Variants in IGF2R observed in about 807,000 individuals in gnomAD.
IGF2R encodes the protein insulin like growth factor 2 receptor.
Under a neutral mutation model 270.6 loss-of-function variants are expected in IGF2R, and 91 were observed. The ratio of observed to expected loss-of-function variants is 0.34; its 90% CI spans 0.28 to 0.40. IGF2R has a LOEUF of 0.40. Among genes scored for constraint, IGF2R ranks in the 10% least tolerant of loss-of-function variants. The pLI is 1.00. For synonymous variants in IGF2R, 1,316 were observed against 1,258.9 expected, an observed-to-expected ratio of 1.05 and a Z score of -0.96; for missense variants, 2,805 against 3,188.3, an observed-to-expected ratio of 0.88 and a Z score of 2.90.
chr6:160,062,168 A>ATTTT (rs34356477), intron 25 of IGF2R, among the ~76,000 whole-genome samples: 21 of 106,608 alleles, frequency 2.0e-4, no homozygotes, highest in South Asian at 3.1e-4. Context: ...CATTTATTTA[A>ATTTT]TTTTTTTTTT....
At position 160,080,175 on chromosome 6, in the gene IGF2R, G is replaced by A; in HGVS notation, c.5733G>A (p.Gly1911=). The A allele has an allele frequency of 6.2e-7, 1 of 1,614,190 alleles. No homozygotes were observed. Among genetic ancestry groups the A allele is most frequent in the East Asian group, 2.2e-5 (1 of 44,884 alleles). The change falls in exon 39 of 48, where the codon GGG becomes GGA. Residue 1911 remains glycine, a synonymous_variant. Coordinates refer to ENST00000356956, the MANE Select transcript of IGF2R (RefSeq NM_000876.4). ...VPCVFPFIFN[G]KSYEECIIES... ...GTGTCTTCCCCTTCATATTCAATGGGAAGAGCTACGAGGAGTGCATCATAG... is the reference window on the plus strand; with the variant it reads ...GTGTCTTCCCCTTCATATTCAATGGAAAGAGCTACGAGGAGTGCATCATAG...
chr6:160,007,411 G>A (rs531582434), intron 2 of IGF2R: 1 of 152,300 alleles, frequency 6.6e-6, no homozygotes, highest in East Asian at 1.9e-4. Context: ...CCAGAGGGAT[G>A]GTTGTAAATG....
At chr6:160,011,979 T>A (rs1436592748) in intron 4 of IGF2R, among the ~76,000 whole-genome samples, 1 of 152,162 alleles carries the variant, frequency 6.6e-6, no homozygotes, top group African/African-American at 2.4e-5. Flanking sequence ...TGCAGTTTAA[T>A]AAGACAAAAA....
intron 29 of IGF2R, among the ~76,000 whole-genome samples, chr6:160,066,925 G>A (rs934575825): frequency 3.3e-5 from 5 of 152,100 alleles, no homozygotes; most frequent in African/African-American, 9.7e-5. Flanking sequence ...CCTCTCGTGC[G>A]TGCAGTACTG....
chr6:160,033,107 G>A lies in IGF2R; in HGVS notation c.1211G>A (p.Arg404Gln), dbSNP rs201726467. The A allele has an allele frequency of 2.4e-5, 38 of 1,609,364 alleles. No individual in the cohort carries two copies. Among genetic ancestry groups the A allele is most frequent in the Non-Finnish European group, 2.8e-5 (33 of 1,176,658 alleles). The change falls in exon 9 of 48, where the codon CGA (arginine) becomes CAA (glutamine). Residue 404 changes from arginine (R) to glutamine (Q), a missense_variant and splice_region_variant. By Grantham distance (43) the Arg-to-Gln change is conservative (BLOSUM62 1). Around this residue, in one of 2 missense-constraint regions of IGF2R, gnomAD observed 954 missense variants for 981.1 expected, o/e 0.97. Coordinates refer to ENST00000356956, the MANE Select transcript of IGF2R (RefSeq NM_000876.4). ...GGAAGATACCACAATCAGACCCTCCGGTACGTCAACAACCTCTGTGCGATT... is the reference window on the plus strand; with the variant it reads ...GGAAGATACCACAATCAGACCCTCCAGTACGTCAACAACCTCTGTGCGATT... Reference protein sequence around the residue: ...AAGRYHNQTLRYSDGDLTLIY... With the variant: ...AAGRYHNQTLQYSDGDLTLIY...
At chr6:160,011,470 G>A (rs1274206917) in intron 4 of IGF2R, among the ~76,000 whole-genome samples, 1 of 150,854 alleles carries the variant, frequency 6.6e-6, no homozygotes, top group Non-Finnish European at 1.5e-5. Context: ...TGTATTATGT[G>A]CAACATGATA....
At chr6:160,000,736 T>G (rs1305184907) in intron 2 of IGF2R, among the ~76,000 whole-genome samples, 1 of 138,662 alleles carries the variant, frequency 7.2e-6, no homozygotes, top group African/African-American at 2.8e-5. Flanking sequence ...TTGTTTTTTT[T>G]TTTTTTTTTT....
intron 1 of IGF2R, among the ~76,000 whole-genome samples, chr6:159,974,266 A>G (rs1174276060): frequency 6.6e-6 from 1 of 151,724 alleles, no homozygotes; most frequent in Non-Finnish European, 1.5e-5. Context: ...CTTTTCTTGT[A>G]TTTATTGGAA....
rs568593738 is a variant in IGF2R at position 160,020,376 on chromosome 6, G to A, written c.514-4196G>A. On this transcript the variant is annotated intron_variant, in intron 4 of 47. Coordinates refer to ENST00000356956, the MANE Select transcript of IGF2R (RefSeq NM_000876.4). ...TATCATTAAAATGATTATATTGCCCGAAACAATCCACAGATTCAATGCAAT... is the reference window on the plus strand; with the variant it reads ...TATCATTAAAATGATTATATTGCCCAAAACAATCCACAGATTCAATGCAAT... 2.9e-3 allele frequency among the ~76,000 whole-genome samples: 444 copies of A among 152,166 alleles called. 1 individual carries two copies. Among genetic ancestry groups the A allele is most frequent in the African/African-American group, 9.9e-3 (411 of 41,516 alleles).
intron 1 of IGF2R, among the ~76,000 whole-genome samples, chr6:159,975,686 A>ATATG (rs1783681372): frequency 2.9e-5 from 4 of 138,942 alleles, no homozygotes; most frequent in African/African-American, 1.2e-4. Context: ...ATATATATTT[A>ATATG]TATATATATA....
At chr6:160,012,634 A>C (rs1583259146) in intron 4 of IGF2R, among the ~76,000 whole-genome samples, 1 of 150,362 alleles carries the variant, frequency 6.7e-6, no homozygotes, top group African/African-American at 2.5e-5. Context: ...TGATCCAGTC[A>C]CCTCCCCAGG....
At chr6:160,088,973 C>A in intron 42 of IGF2R, 134 bp from the exon 43 acceptor site, 1 of 856,210 alleles carries the variant, frequency 1.2e-6, no homozygotes, top group Non-Finnish European at 1.7e-6. Context: ...GCCTCGGGAC[C>A]CAACTGAAGT....
rs1778804872 is a variant in IGF2R, at chr6:160,074,067, T to C, written c.5166+92T>C. 3.5e-6 allele frequency: 3 copies of C among 858,890 alleles called. No homozygotes were observed. The Admixed American group carries it at 7.0e-5, about 20-fold the overall frequency. The allele number at this position is 858,890 out of a possible 1,614,324, so 53.2% of individuals were successfully genotyped here. A position where few individuals can be genotyped will look rare whatever the true frequency, so the allele number is the denominator to read the frequency against. On this transcript the variant is annotated intron_variant, in intron 35 of 47. Coordinates refer to ENST00000356956, the MANE Select transcript of IGF2R (RefSeq NM_000876.4). ...TTTCTTGCCTTCAGTGGGGAGTTGC[T>C]CAAGCATAAAAAAAATGGAGAAAGT... is the stretch of plus-strand genomic sequence containing the variant.
At chr6:160,096,347 CTT>C (rs1267215869) in intron 44 of IGF2R, 90 bp from the exon 45 acceptor site, 2 of 1,194,814 alleles carry the variant, frequency 1.7e-6, no homozygotes, top group Non-Finnish European at 2.4e-6. Context: ...GATTTTAAGT[CTT>C]TGCAAACTTT....
intron 2 of IGF2R, among the ~76,000 whole-genome samples, chr6:160,001,947 A>T (rs1167987780): frequency 2.0e-5 from 3 of 152,184 alleles, no homozygotes; most frequent in Non-Finnish European, 2.9e-5. Flanking sequence ...CACATTTAAC[A>T]TTTCACTCCC....
chr6:159,983,422 G>A (rs1480146534), intron 1 of IGF2R, among the ~76,000 whole-genome samples: 2 of 152,180 alleles, frequency 1.3e-5, no homozygotes. Flanking sequence ...GAACAGGCGT[G>A]GACTGACTGC....
intron 21 of IGF2R, 26 bp downstream of exon 21, chr6:160,058,150 G>A (rs749390719): frequency 3.7e-5 from 55 of 1,502,738 alleles, no homozygotes; most frequent in Non-Finnish European, 4.4e-5. Flanking sequence ...TGCATTTCCA[G>A]TTTGCTTTGA....
chr6:160,068,174 GT>G, intron 29 of IGF2R, 74 bp from the exon 30 acceptor site: 1 of 1,503,612 alleles, frequency 6.7e-7, no homozygotes, highest in Non-Finnish European at 9.0e-7. Context: ...ATACTTGAAC[GT>G]TTCTAGACAG....
chr6:160,083,368 T>C (rs546418285), intron 39 of IGF2R, among the ~76,000 whole-genome samples: 32 of 152,312 alleles, frequency 2.1e-4, no homozygotes, highest in African/African-American at 7.2e-4. Context: ...GTTGAACAAA[T>C]GTACAATCGG....
Sources: gnomAD v4.1 joint callset for allele counts (sites outside exome capture counted in the v4.1 genomes callset) on GRCh38, gnomAD v4.1.1 for gene constraint, gnomAD v4.1.1 regional missense constraint, MANE v1.5 for transcripts, NCBI Gene and HGNC (gene_info 2026-07-23, HGNC 2026-07-21) for gene names.